SYNPO2: variants seen among roughly 807,000 people sequenced by gnomAD.
SYNPO2 encodes synaptopodin 2, also known as synaptopodin-2.
SYNPO2 carries 56 observed loss-of-function variants against 85.0 expected under a neutral mutation model. The observed-to-expected ratio is 0.66, with a 90% CI of 0.53 to 0.82. The LOEUF is 0.82. SYNPO2 is among the 40% of genes least tolerant of loss of function. SYNPO2 has a pLI of 0.00. For synonymous variants in SYNPO2, 602 were observed against 591.1 expected (o/e 1.02, Z -0.27); for missense variants, 1,575 against 1,534.2 (o/e 1.03, Z -0.44).
chr4:119,051,816 T>C (rs917591462), intron 4 of SYNPO2, among the ~76,000 whole-genome samples: 3 of 152,242 alleles, frequency 2.0e-5, no homozygotes, highest in African/African-American at 7.2e-5. Flanking sequence ...TGAAGTGAGA[T>C]TCCAGATTCA....
upstream of SYNPO2, among the ~76,000 whole-genome samples, chr4:118,886,690 T>C (rs1217396719): frequency 2.6e-5 from 4 of 152,222 alleles, no homozygotes; most frequent in Admixed American, 2.0e-4. Flanking sequence ...GTCTTTGCTA[T>C]TGTAATTAGT....
chr4:118,998,693 C>T (rs1389381180), intron 1 of SYNPO2, among the ~76,000 whole-genome samples: 1 of 152,204 alleles, frequency 6.6e-6, no homozygotes, highest in Admixed American at 6.5e-5. Context: ...ATCTTAACTT[C>T]TCTGGATCTC....
chr4:118,994,097 T>C (rs1045234597), intron 1 of SYNPO2, among the ~76,000 whole-genome samples: 1 of 152,242 alleles, frequency 6.6e-6, no homozygotes, highest in Non-Finnish European at 1.5e-5. Flanking sequence ...CTCTGACAAG[T>C]AGTTTTGTTC....
intron 4 of SYNPO2, among the ~76,000 whole-genome samples, chr4:119,049,897 C>T (rs1738981099): frequency 6.6e-6 from 1 of 152,222 alleles, no homozygotes; most frequent in African/African-American, 2.4e-5. Context: ...ACGGCCCGGT[C>T]ACCTGCCTGT....
upstream of SYNPO2, among the ~76,000 whole-genome samples, chr4:118,884,783 G>A (rs1732170155): frequency 6.6e-6 from 1 of 151,924 alleles, no homozygotes; most frequent in Non-Finnish European, 1.5e-5. Flanking sequence ...ATATTAATTG[G>A]GCACCAATCA....
intron 1 of SYNPO2, among the ~76,000 whole-genome samples, chr4:118,953,952 T>A (rs1734780178): frequency 6.6e-6 from 1 of 152,166 alleles, no homozygotes; most frequent in African/African-American, 2.4e-5. Flanking sequence ...GTCATGTGCT[T>A]CCTCTTCCTC....
intron 1 of SYNPO2, among the ~76,000 whole-genome samples, chr4:118,983,691 C>G (rs1353057903): frequency 6.6e-6 from 1 of 152,200 alleles, no homozygotes; most frequent in Non-Finnish European, 1.5e-5. Context: ...GCCCCTTTAT[C>G]TGCTGTGTTC....
intron 1 of SYNPO2, among the ~76,000 whole-genome samples, chr4:118,927,702 A>AGATAGAT (rs1733763187): frequency 2.0e-5 from 1 of 50,652 alleles, no homozygotes; most frequent in South Asian, 6.6e-4. Flanking sequence ...ACAATGAGAT[A>AGATAGAT]GATAGATAGA....
intron 4 of SYNPO2, among the ~76,000 whole-genome samples, chr4:119,039,380 G>T (rs1375998512): frequency 4.6e-5 from 7 of 152,192 alleles, no homozygotes; most frequent in Non-Finnish European, 1.0e-4. Context: ...CTCATCAGAA[G>T]TGATGAGTTT....
intron 1 of SYNPO2, among the ~76,000 whole-genome samples, chr4:118,997,792 A>T (rs1736676228): frequency 6.6e-6 from 1 of 152,238 alleles, no homozygotes; most frequent in Non-Finnish European, 1.5e-5. Context: ...CAACCCATTC[A>T]GAAAGACACA....
At chr4:118,855,686 G>A (rs1000206799) in intron 1 of SYNPO2, among the ~76,000 whole-genome samples, 9 of 152,080 alleles carry the variant, frequency 5.9e-5, no homozygotes, top group Admixed American at 1.3e-4. Context: ...TCAGGAAAAT[G>A]TCAGTGACAT....
intron 1 of SYNPO2, among the ~76,000 whole-genome samples, chr4:118,868,199 TAAC>T (rs1731736086): frequency 6.6e-6 from 1 of 152,116 alleles, no homozygotes; most frequent in South Asian, 2.1e-4. Context: ...TCCAAAACTG[TAAC>T]ACACCTGGTC....
chr4:118,910,066 G>T (rs1030219844), intron 1 of SYNPO2, among the ~76,000 whole-genome samples: 2 of 152,122 alleles, frequency 1.3e-5, no homozygotes, highest in Admixed American at 1.3e-4. Context: ...AATCATTCAT[G>T]TAGCTAAAGT....
chr4:118,903,781 G>A (rs924084344), intron 1 of SYNPO2, among the ~76,000 whole-genome samples: 3 of 151,514 alleles, frequency 2.0e-5, no homozygotes, highest in Admixed American at 6.6e-5. Context: ...GCGTGATCTC[G>A]GCTCACTGCA....
chr4:118,875,630 C>T (rs952999852), intron 1 of SYNPO2, among the ~76,000 whole-genome samples: 3 of 152,204 alleles, frequency 2.0e-5, no homozygotes, highest in Admixed American at 6.5e-5. Context: ...TATTTGACTA[C>T]ACCTTAATAA....
chr4:118,934,115 A>G (rs1415229864), intron 1 of SYNPO2, among the ~76,000 whole-genome samples: 1 of 151,968 alleles, frequency 6.6e-6, no homozygotes, highest in Non-Finnish European at 1.5e-5. Flanking sequence ...GTCTCTTTTC[A>G]CTTTCTGAGA....
intron 1 of SYNPO2, among the ~76,000 whole-genome samples, chr4:118,979,645 A>T (rs905626607): frequency 6.6e-6 from 1 of 152,178 alleles, no homozygotes; most frequent in Admixed American, 6.5e-5. Flanking sequence ...CACTGGTTGG[A>T]TATCCTTTCA....
At chr4:119,014,968 A>G (rs1375355091) in intron 1 of SYNPO2, among the ~76,000 whole-genome samples, 2 of 152,216 alleles carry the variant, frequency 1.3e-5, no homozygotes, top group Non-Finnish European at 2.9e-5. Context: ...GTAAATGTTC[A>G]GTGCAGTCAA....
chr4:118,949,578 T>TA (rs374941257), intron 1 of SYNPO2, among the ~76,000 whole-genome samples: 2,536 of 121,542 alleles, frequency 0.021, 28 homozygotes, highest in African/African-American at 0.042. Context: ...CTGTCTCTAC[T>TA]AAAAAAAAAA....
Sources: allele counts gnomAD v4.1 joint callset (sites outside exome capture counted in the v4.1 genomes callset), GRCh38; gene constraint gnomAD v4.1.1; transcripts MANE v1.5; gene names NCBI Gene and HGNC (gene_info 2026-07-23, HGNC 2026-07-21).